Variants in AKAP7 observed in about 807,000 individuals in gnomAD.
AKAP7 encodes A-kinase anchoring protein 7.
A neutral mutation model predicts 39.5 loss-of-function variants in AKAP7; 39 were observed. That is an observed-to-expected ratio of 0.99 (90% CI 0.76 to 1.29). The LOEUF (loss-of-function observed/expected upper bound fraction) is 1.29. AKAP7 is among the 50% of genes most tolerant of loss of function. AKAP7 has a pLI of 0.00. For missense variants in AKAP7, 414 were observed against 407.7 expected, an observed-to-expected ratio of 1.02 and a Z score of -0.13; for synonymous variants, 140 against 139.1, an observed-to-expected ratio of 1.01 and a Z score of -0.05.
intron 7 of AKAP7, among the ~76,000 whole-genome samples, chr6:131,256,120 C>G (rs1340245128): frequency 6.6e-6 from 1 of 152,190 alleles, no homozygotes; most frequent in South Asian, 2.1e-4. Flanking sequence ...CTAGGCAGCT[C>G]AGCATCTGCT....
chr6:131,138,413 C>T (rs1245976129), intron 1 of AKAP7, among the ~76,000 whole-genome samples: 1 of 152,146 alleles, frequency 6.6e-6, no homozygotes, highest in Non-Finnish European at 1.5e-5. Flanking sequence ...GCTATTGTAC[C>T]ATTTCCTTGT....
chr6:131,173,462 A>T (rs1238773483), intron 5 of AKAP7, among the ~76,000 whole-genome samples: 1 of 151,880 alleles, frequency 6.6e-6, no homozygotes, highest in African/African-American at 2.4e-5. Flanking sequence ...TGTTTGTCTC[A>T]TTTTCTTTAT....
chr6:131,247,298 TATA>T (rs1812095211), intron 7 of AKAP7, among the ~76,000 whole-genome samples: 1 of 128,088 alleles, frequency 7.8e-6, no homozygotes, highest in South Asian at 2.5e-4. Context: ...TATATATATA[TATA>T]TATATATATA....
the AKAP7 span, among the ~76,000 whole-genome samples, chr6:131,128,469 G>T: frequency 9.2e-5 from 14 of 152,062 alleles, no homozygotes; most frequent in Non-Finnish European, 1.5e-5. Context: ...ATTTCAAAAG[G>T]CTTGTAATAA....
intron 6 of AKAP7, among the ~76,000 whole-genome samples, chr6:131,219,358 C>G (rs563585528): frequency 6.5e-4 from 98 of 151,372 alleles, no homozygotes; most frequent in Admixed American, 1.4e-3. Flanking sequence ...TCCTTGGTAT[C>G]TCAACATTTT....
intron 6 of AKAP7, among the ~76,000 whole-genome samples, chr6:131,217,412 C>A (rs1809283810): frequency 6.6e-6 from 1 of 152,054 alleles, no homozygotes. Context: ...CAAAAAATTT[C>A]TCCAGAGAAT....
At chr6:131,250,452 G>T in intron 7 of AKAP7, 2 of 1,567,276 alleles carry the variant, frequency 1.3e-6, no homozygotes, top group Non-Finnish European at 8.7e-7. Context: ...AGCTGCCTGT[G>T]CTGCTCCGTG....
At chr6:131,138,659 A>C (rs1379959376) in intron 1 of AKAP7, among the ~76,000 whole-genome samples, 2 of 152,222 alleles carry the variant, frequency 1.3e-5, no homozygotes, top group African/African-American at 2.4e-5. Context: ...GCATAATGGT[A>C]ATAGAGTGAC....
intron 5 of AKAP7, chr6:131,185,375 C>A: frequency 1.9e-6 from 1 of 531,890 alleles, no homozygotes; most frequent in Non-Finnish European, 3.6e-6. Flanking sequence ...GAAAGGCAGG[C>A]ACATGCTGTG....
chr6:131,264,880 A>T (rs1359669833), intron 7 of AKAP7, among the ~76,000 whole-genome samples: 1 of 152,074 alleles, frequency 6.6e-6, no homozygotes, highest in African/African-American at 2.4e-5. Flanking sequence ...ACTGGTGAGA[A>T]GTGCCACATT....
chr6:131,187,801 A>G (rs1806017547), intron 5 of AKAP7, among the ~76,000 whole-genome samples: 1 of 152,220 alleles, frequency 6.6e-6, no homozygotes, highest in South Asian at 2.1e-4. Context: ...ATTTGTGTCT[A>G]AATCTTTGCA....
At chr6:131,264,269 A>G (rs769383055) in intron 7 of AKAP7, among the ~76,000 whole-genome samples, 1 of 152,214 alleles carries the variant, frequency 6.6e-6, no homozygotes, top group Non-Finnish European at 1.5e-5. Flanking sequence ...AAAGTTGCAT[A>G]TAAACTGAAC....
chr6:131,132,271 C>G (rs1800345418), upstream of AKAP7, among the ~76,000 whole-genome samples: 1 of 151,294 alleles, frequency 6.6e-6, no homozygotes. Flanking sequence ...CGAGATTGCG[C>G]CACCGCACTC....
chr6:131,261,395 A>G (rs1813323246), intron 7 of AKAP7, among the ~76,000 whole-genome samples: 1 of 152,154 alleles, frequency 6.6e-6, no homozygotes, highest in Non-Finnish European at 1.5e-5. Flanking sequence ...TCCTAGAGAT[A>G]ATAAACTAAG....
chr6:131,197,761 G>T (rs1033350007), intron 5 of AKAP7, among the ~76,000 whole-genome samples: 4 of 152,132 alleles, frequency 2.6e-5, no homozygotes, highest in Non-Finnish European at 5.9e-5. Context: ...TTGTTGGGGT[G>T]ATCAGACTCA....
At chr6:131,132,024 T>C (rs959777204), upstream of AKAP7, among the ~76,000 whole-genome samples, 3 of 152,108 alleles carry the variant, frequency 2.0e-5, no homozygotes, top group Non-Finnish European at 2.9e-5. Context: ...ATTAAATAGA[T>C]AAATTCGGCC....
At chr6:131,133,930 C>CA (rs1800385998), upstream of AKAP7, among the ~76,000 whole-genome samples, 1 of 152,098 alleles carries the variant, frequency 6.6e-6, no homozygotes, top group Non-Finnish European at 1.5e-5. Context: ...GCAGGTAAGA[C>CA]TCATTCTCCT....
At chr6:131,184,457 G>A (rs1330534829) in intron 5 of AKAP7, 20 of 658,944 alleles carry the variant, frequency 3.0e-5, no homozygotes, top group South Asian at 8.5e-5. Flanking sequence ...AGCCATGATC[G>A]CAGCATCACA....
intron 1 of AKAP7, among the ~76,000 whole-genome samples, chr6:131,137,160 G>A (rs1405456409): frequency 1.3e-5 from 2 of 151,808 alleles, no homozygotes; most frequent in African/African-American, 4.8e-5. Context: ...TAGAGACGGG[G>A]TCTTGCCATG....
Sources: gnomAD v4.1 joint callset for allele counts (sites outside exome capture counted in the v4.1 genomes callset) on GRCh38, gnomAD v4.1.1 for gene constraint, MANE v1.5 for transcripts, NCBI Gene and HGNC (gene_info 2026-07-23, HGNC 2026-07-21) for gene names.